The following CMIP variants were observed in gnomAD, a reference collection of about 807,000 sequenced individuals.
CMIP encodes the protein c-Maf inducing protein.
A neutral mutation model predicts 97.3 loss-of-function variants in CMIP; 13 were observed. The observed-to-expected ratio is 0.13, with a 90% CI of 0.09 to 0.21. The LOEUF (loss-of-function observed/expected upper bound fraction) is 0.21, where lower values mean the gene tolerates loss of function less well. CMIP is among the 10% of genes least tolerant of loss of function. CMIP has a pLI of 1.00. For missense variants in CMIP, 847 were observed against 1,024.9 expected, an observed-to-expected ratio of 0.83 and a Z score of 2.37; for synonymous variants, 538 against 436.3, an observed-to-expected ratio of 1.23 and a Z score of -2.91.
intron 1 of CMIP, among the ~76,000 whole-genome samples, chr16:81,510,690 A>C (rs2150790427): frequency 6.6e-6 from 1 of 152,320 alleles, no homozygotes; most frequent in South Asian, 2.1e-4. Flanking sequence ...AAAACAAAAA[A>C]AATCACAAAT....
At chr16:81,531,228 G>A (rs779317482) in intron 1 of CMIP, among the ~76,000 whole-genome samples, 1 of 152,134 alleles carries the variant, frequency 6.6e-6, no homozygotes, top group Non-Finnish European at 1.5e-5. Flanking sequence ...GACGAGCACC[G>A]TGTGACAGCA....
intron 5 of CMIP, among the ~76,000 whole-genome samples, chr16:81,658,104 A>G (rs1467472818): frequency 1.3e-5 from 2 of 152,296 alleles, no homozygotes; most frequent in African/African-American, 2.4e-5. Flanking sequence ...AAGGCAGGAG[A>G]TGGCAGAGCC....
intron 3 of CMIP, among the ~76,000 whole-genome samples, chr16:81,647,762 C>G (rs2092380218): frequency 6.6e-6 from 1 of 152,070 alleles, no homozygotes; most frequent in Non-Finnish European, 1.5e-5. Context: ...ATGAGGCATG[C>G]TAATTTGTCA....
chr16:81,682,589 T>C (rs1904982162), intron 10 of CMIP, among the ~76,000 whole-genome samples: 1 of 151,668 alleles, frequency 6.6e-6, no homozygotes, highest in African/African-American at 2.4e-5. Context: ...AAAGATGACT[T>C]TATGTGGAAT....
At chr16:81,484,040 A>G (rs1051555986) in intron 1 of CMIP, among the ~76,000 whole-genome samples, 1 of 152,034 alleles carries the variant, frequency 6.6e-6, no homozygotes, top group African/African-American at 2.4e-5. Context: ...TTAAACACCT[A>G]CTGTGTCTTG....
chr16:81,673,595 C>T (rs938959337), intron 9 of CMIP, among the ~76,000 whole-genome samples: 2 of 152,196 alleles, frequency 1.3e-5, no homozygotes, highest in African/African-American at 4.8e-5. Flanking sequence ...CCCACTGTGC[C>T]CCAGGAGGCC....
chr16:81,460,848 G>A (rs755485543), intron 1 of CMIP, among the ~76,000 whole-genome samples: 2 of 152,186 alleles, frequency 1.3e-5, no homozygotes, highest in African/African-American at 2.4e-5. Context: ...TGATGATGAC[G>A]GTGATGATGG....
intron 9 of CMIP, among the ~76,000 whole-genome samples, chr16:81,673,912 G>A (rs1016285371): frequency 6.6e-6 from 1 of 152,160 alleles, no homozygotes; most frequent in African/African-American, 2.4e-5. Flanking sequence ...ACAGCAGGAG[G>A]GTATTTCAGT....
intron 2 of CMIP, chr16:81,618,710 C>T (rs145912787): frequency 6.6e-6 from 1 of 152,292 alleles, no homozygotes; most frequent in Non-Finnish European, 1.5e-5. Context: ...ACACAGAAAT[C>T]CGCACACGCC....
intron 1 of CMIP, among the ~76,000 whole-genome samples, chr16:81,457,059 G>T (rs116930685): frequency 6.6e-6 from 1 of 152,262 alleles, no homozygotes; most frequent in East Asian, 1.9e-4. Context: ...CAGTGAGCAC[G>T]AAGTTCAAAG....
intron 1 of CMIP, among the ~76,000 whole-genome samples, chr16:81,494,995 C>T (rs1011451227): frequency 1.3e-5 from 2 of 152,138 alleles, no homozygotes; most frequent in Non-Finnish European, 2.9e-5. Flanking sequence ...GAGCTAGTGT[C>T]GGAGATGGCA....
intron 1 of CMIP, among the ~76,000 whole-genome samples, chr16:81,456,979 C>G (rs1032392917): frequency 2.0e-5 from 3 of 152,172 alleles, no homozygotes; most frequent in African/African-American, 7.2e-5. Context: ...GTGGTCACCT[C>G]AGCCTCCTCG....
At chr16:81,530,996 C>T (rs1481875397) in intron 1 of CMIP, among the ~76,000 whole-genome samples, 1 of 152,182 alleles carries the variant, frequency 6.6e-6, no homozygotes, top group African/African-American at 2.4e-5. Context: ...CTGGGATCGT[C>T]ATTGTTATGG....
chr16:81,668,936 A>G (rs1431756249), intron 7 of CMIP, among the ~76,000 whole-genome samples: 69 of 102,514 alleles, frequency 6.7e-4, no homozygotes, highest in African/African-American at 6.7e-4. Context: ...ACGGCCTTCC[A>G]CACCCACCTC....
chr16:81,509,284 C>T (rs1283121164), intron 1 of CMIP, among the ~76,000 whole-genome samples: 1 of 152,104 alleles, frequency 6.6e-6, no homozygotes, highest in Non-Finnish European at 1.5e-5. Flanking sequence ...ATGGGCAGGA[C>T]CACCCAGCTG....
At chr16:81,471,553 G>A (rs1486482062) in intron 1 of CMIP, among the ~76,000 whole-genome samples, 1 of 82,614 alleles carries the variant, frequency 1.2e-5, no homozygotes, top group African/African-American at 3.4e-5. Flanking sequence ...ATACACACAT[G>A]TGCACACACA....
rs1908737261 is a variant in CMIP, at chr16:81,711,231, C to T, written c.*1432C>T. 1 of 152,482 alleles carries T rather than the reference C, an allele frequency of 6.6e-6. No individual in the cohort carries two copies. Among genetic ancestry groups the T allele is most frequent in the Admixed American group, 6.6e-5 (1 of 15,264 alleles). The allele number at this position is 152,482 out of a possible 1,614,324, so 9.4% of individuals were successfully genotyped here. A position where few individuals can be genotyped will look rare whatever the true frequency, so the allele number is the denominator to read the frequency against. ...CTGTTGGTTTAGCACAAATACTTCCCTCCTCCGGCACCTCCAAACCTACCC... is the reference window on the plus strand; with the variant it reads ...CTGTTGGTTTAGCACAAATACTTCCTTCCTCCGGCACCTCCAAACCTACCC... On this transcript the variant is annotated 3_prime_UTR_variant, in exon 21 of 21. Transcript: ENST00000537098.
rs964744165 is a variant in CMIP at position 81,678,748 on chromosome 16, T to C, written c.1388+120T>C. The C allele has an allele frequency of 8.3e-6, 5 of 604,594 alleles. No individual in the cohort carries two copies. The East Asian group carries it at 1.4e-4, about 17-fold the overall frequency. 37.5% of individuals were successfully genotyped at this position (604,594 alleles called of 1,614,324 possible). On this transcript the variant is annotated intron_variant, in intron 10 of 20. Coordinates refer to ENST00000537098, the MANE Select transcript of CMIP (RefSeq NM_198390.3). The stretch of plus-strand genomic sequence containing the variant: ...CAGGGCCGGGCATGGTAGAGTGGCT[T>C]GTGTGTGAGTGCACACGAGCTGGTG...
intron 1 of CMIP, among the ~76,000 whole-genome samples, chr16:81,571,922 C>G (rs1435381758): frequency 2.0e-5 from 3 of 152,238 alleles, no homozygotes; most frequent in Non-Finnish European, 2.9e-5. Flanking sequence ...TCTTCCAGCC[C>G]TTTCCTCTGC....
Sources: gnomAD v4.1 joint callset for allele counts (sites outside exome capture counted in the v4.1 genomes callset) on GRCh38, gnomAD v4.1.1 for gene constraint, MANE v1.5 for transcripts, NCBI Gene and HGNC (gene_info 2026-07-23, HGNC 2026-07-21) for gene names.